BMPR1B: variants seen among roughly 807,000 people sequenced by gnomAD.
The protein encoded by BMPR1B is bone morphogenetic protein receptor type 1B, also known as bone morphogenetic protein receptor type-1B.
A neutral mutation model predicts 59.1 loss-of-function variants in BMPR1B; 12 were observed. That is an observed-to-expected ratio of 0.20 (90% CI 0.13 to 0.33). The LOEUF is 0.33. Among genes scored for constraint, BMPR1B ranks in the 10% least tolerant of loss-of-function variants. The probability of loss-of-function intolerance (pLI) is 1.00; values close to 1 mark genes in which losing one functional copy is unlikely to be tolerated. For synonymous variants in BMPR1B, 237 were observed against 207.3 expected (o/e 1.14, Z -1.23); for missense variants, 550 against 610.9 (o/e 0.90, Z 1.05).
At chr4:94,968,822 C>T (rs11946121) in intron 2 of BMPR1B, among the ~76,000 whole-genome samples, 1,627 of 152,102 alleles carry the variant, frequency 0.011, 20 homozygotes, top group African/African-American at 0.034. Context: ...TTGTATAATA[C>T]TCATATGTAG....
intron 4 of BMPR1B, among the ~76,000 whole-genome samples, chr4:95,106,302 T>C (rs769939165): frequency 2.6e-5 from 4 of 151,966 alleles, no homozygotes; most frequent in African/African-American, 7.2e-5. Context: ...AGGGTTGACA[T>C]GATCTGATTT....
intron 3 of BMPR1B, among the ~76,000 whole-genome samples, chr4:95,063,785 T>C (rs543905791): frequency 1.3e-4 from 20 of 152,128 alleles, no homozygotes; most frequent in Non-Finnish European, 2.4e-4. Context: ...CTATTATTAA[T>C]TGCATATAAA....
chr4:94,937,707 A>AACACACACACAGACACACACACACAC lies in BMPR1B; in HGVS notation c.-112-58327_-112-58302dup, dbSNP rs1729367890. 2.6e-5 allele frequency among the ~76,000 whole-genome samples: 4 copies of AACACACACACAGACACACACACACAC among 151,194 alleles called. No homozygotes were observed. In the South Asian group the frequency reaches 8.4e-4, roughly 32 times the overall value. Reference sequence around the variant, plus strand: ...TTTTTAAATTTTATGTATATGTATAAACACACACACAGACACACACACACA... The same window carrying AACACACACACAGACACACACACACAC: ...TTTTTAAATTTTATGTATATGTATAAACACACACACAGACACACACACACACACACACACACAGACACACACACACA... On this transcript the variant is annotated intron_variant, in intron 2 of 12. Transcript: ENST00000515059.
rs528041679 is a variant in BMPR1B at position 95,038,338 on chromosome 4, G to A, written c.-18+42204G>A. Among the ~76,000 whole-genome samples, 19 of 152,298 alleles carry A rather than the reference G, an allele frequency of 1.2e-4. No homozygotes were observed. In the South Asian group the frequency reaches 3.7e-3, roughly 30 times the overall value. On this transcript the variant is annotated intron_variant, in intron 3 of 12. Coordinates refer to ENST00000515059, the MANE Select transcript of BMPR1B (RefSeq NM_001203.3). ...AAAGGATTTTGCAAGGACATCATAA[G>A]CATCCGGTCTAGGATTGGCAACTCT...
intron 2 of BMPR1B, among the ~76,000 whole-genome samples, chr4:94,905,700 G>A (rs1233554006): frequency 5.3e-5 from 8 of 151,926 alleles, no homozygotes; most frequent in African/African-American, 9.7e-5. Context: ...TACTCAGGAC[G>A]TCTCACACAG....
intron 3 of BMPR1B, chr4:95,051,757 T>C (rs1353811804): frequency 9.8e-6 from 15 of 1,535,452 alleles, no homozygotes; most frequent in Non-Finnish European, 1.3e-5. Flanking sequence ...CATTCTTCTC[T>C]CTATGCACAC....
intron 1 of BMPR1B, among the ~76,000 whole-genome samples, chr4:94,874,790 G>A (rs555438451): frequency 2.6e-5 from 4 of 152,122 alleles, no homozygotes; most frequent in South Asian, 2.1e-4. Context: ...TCAGGAGTTC[G>A]AGACCAGCCT....
In BMPR1B at chr4:94,796,540, T is replaced by G. The variant is rs545194465; in HGVS notation, c.-183+38472T>G. On this transcript the variant is annotated intron_variant, in intron 1 of 12. Coordinates refer to ENST00000515059, the MANE Select transcript of BMPR1B (RefSeq NM_001203.3). ...AACCTTTGAAAAGAGGTTCTTAATTTTTTTTTTTTAAGTTTGAAGTTGAGT... is the reference window on the plus strand; with the variant it reads ...AACCTTTGAAAAGAGGTTCTTAATTGTTTTTTTTTAAGTTTGAAGTTGAGT... Among the ~76,000 whole-genome samples the G allele has an allele frequency of 5.5e-3, 832 of 152,198 alleles. 4 individuals are homozygous for G. Among genetic ancestry groups the G allele is most frequent in the African/African-American group, 0.019 (782 of 41,548 alleles).
chr4:95,117,317 A>G (rs1404302914), intron 6 of BMPR1B, among the ~76,000 whole-genome samples: 1 of 152,228 alleles, frequency 6.6e-6, no homozygotes, highest in Non-Finnish European at 1.5e-5. Context: ...AGATAAGGAA[A>G]ACACAGCACC....
intron 3 of BMPR1B, among the ~76,000 whole-genome samples, chr4:95,060,620 A>T (rs1046221951): frequency 1.3e-5 from 2 of 152,148 alleles, no homozygotes; most frequent in African/African-American, 4.8e-5. Flanking sequence ...TCTGTCTCCA[A>T]ATAGTCATGA....
intron 1 of BMPR1B, among the ~76,000 whole-genome samples, chr4:94,823,221 AG>A (rs1724266595): frequency 6.6e-6 from 1 of 152,208 alleles, no homozygotes; most frequent in Non-Finnish European, 1.5e-5. Context: ...GAGTGACAGA[AG>A]GTGTAAAAGA....
chr4:94,849,077 A>G (rs1320881459), intron 1 of BMPR1B, among the ~76,000 whole-genome samples: 2 of 152,328 alleles, frequency 1.3e-5, no homozygotes, highest in East Asian at 3.9e-4. Flanking sequence ...TATAGGTTTT[A>G]CCTAAAGCCA....
chr4:94,984,179 T>G (rs563676056), intron 2 of BMPR1B, among the ~76,000 whole-genome samples: 76 of 152,346 alleles, frequency 5.0e-4, no homozygotes, highest in Middle Eastern at 3.4e-3. Flanking sequence ...CCAACTGATA[T>G]GTGGCTTGTC....
chr4:95,133,219 C>T (rs1367771494), intron 10 of BMPR1B, among the ~76,000 whole-genome samples: 1 of 152,136 alleles, frequency 6.6e-6, no homozygotes, highest in Non-Finnish European at 1.5e-5. Context: ...TTTTGAGTTA[C>T]TTTCTCTTTG....
chr4:95,042,332 T>C lies in BMPR1B; in HGVS notation c.-18+46198T>C, dbSNP rs560542327. Among the ~76,000 whole-genome samples the C allele has an allele frequency of 2.0e-4, 31 of 152,308 alleles. No homozygotes were observed. The East Asian group carries it at 5.8e-3, about 28-fold the overall frequency. On this transcript the variant is annotated intron_variant, in intron 3 of 12. Coordinates refer to ENST00000515059, the MANE Select transcript of BMPR1B (RefSeq NM_001203.3). ...ACAAATTGAGAGTCAGAGATAATGG[T>C]GATGCCAAACAAACAGATTGTAAGA...
At chr4:94,966,470 A>G (rs917454861) in intron 2 of BMPR1B, among the ~76,000 whole-genome samples, 22 of 152,190 alleles carry the variant, frequency 1.4e-4, no homozygotes, top group Non-Finnish European at 2.4e-4. Flanking sequence ...CCATGGAAAA[A>G]CTAATGTAAA....
intron 2 of BMPR1B, among the ~76,000 whole-genome samples, chr4:94,934,454 T>G (rs1356386215): frequency 6.4e-5 from 2 of 31,066 alleles, no homozygotes; most frequent in African/African-American, 3.4e-4. Flanking sequence ...CCAGCTATGG[T>G]TTTTTTTTTT....
In BMPR1B at chr4:94,783,081, T is replaced by A. The variant is rs574306753; in HGVS notation, c.-183+25013T>A. ...CCACAGTTACCTTTGGATGAAAGGG[T>A]TTCTGTCTCTGACGGTCTCTTTCCC... On this transcript the variant is annotated intron_variant, in intron 1 of 12. Coordinates refer to ENST00000515059, the MANE Select transcript of BMPR1B (RefSeq NM_001203.3). Among the ~76,000 whole-genome samples, 25 of 152,144 alleles carry A rather than the reference T, an allele frequency of 1.6e-4. 1 individual carries two copies. The highest frequency in any genetic ancestry group is 1.3e-4 in the Non-Finnish European group (9 of 68,030).
intron 3 of BMPR1B, among the ~76,000 whole-genome samples, chr4:95,063,911 A>C (rs1471292924): frequency 6.6e-6 from 1 of 152,104 alleles, no homozygotes; most frequent in Non-Finnish European, 1.5e-5. Flanking sequence ...ATAAATAGAG[A>C]ATTGCAAGTT....
Sources: allele counts gnomAD v4.1 joint callset (sites outside exome capture counted in the v4.1 genomes callset), GRCh38; gene constraint gnomAD v4.1.1; transcripts MANE v1.5; gene names NCBI Gene and HGNC (gene_info 2026-07-23, HGNC 2026-07-21).